Variants in TACR1 observed in about 807,000 individuals in gnomAD.
TACR1 encodes substance-P receptor.
In TACR1, 25 loss-of-function variants were observed where a neutral mutation model predicts 35.8. That is an observed-to-expected ratio of 0.70 (90% confidence interval 0.51 to 0.98). The LOEUF (loss-of-function observed/expected upper bound fraction) is 0.98, where lower values mean the gene tolerates loss of function less well. TACR1 is among the 50% of genes least tolerant of loss of function. The probability of loss-of-function intolerance (pLI) is 0.00; values close to 1 mark genes in which losing one functional copy is unlikely to be tolerated. For missense variants in TACR1, 478 were observed against 522.9 expected (o/e 0.91, Z 0.84); for synonymous variants, 195 against 206.7 (o/e 0.94, Z 0.48).
intron 1 of TACR1, among the ~76,000 whole-genome samples, chr2:75,178,956 A>T (rs115251391): frequency 3.0e-4 from 45 of 152,292 alleles, no homozygotes; most frequent in African/African-American, 1.1e-3. Context: ...GATTGTATAC[A>T]GTCCTATGGT....
chr2:75,180,796 T>C (rs1205503692), intron 1 of TACR1, among the ~76,000 whole-genome samples: 1 of 152,188 alleles, frequency 6.6e-6, no homozygotes, highest in African/African-American at 2.4e-5. Context: ...AACTAAATAA[T>C]AGTTCATTGT....
chr2:75,055,686 T>A (rs919678486), intron 2 of TACR1, among the ~76,000 whole-genome samples: 1 of 152,136 alleles, frequency 6.6e-6, no homozygotes, highest in African/African-American at 2.4e-5. Context: ...CAAGATTGGG[T>A]CTGAGTGTGA....
intron 1 of TACR1, among the ~76,000 whole-genome samples, chr2:75,128,998 G>A (rs1486467415): frequency 6.6e-6 from 1 of 152,176 alleles, no homozygotes; most frequent in Non-Finnish European, 1.5e-5. Flanking sequence ...TAGGAGGTGT[G>A]TGCTGACACA....
At chr2:75,144,430 A>G (rs1307802719) in intron 1 of TACR1, among the ~76,000 whole-genome samples, 2 of 152,210 alleles carry the variant, frequency 1.3e-5, no homozygotes, top group Non-Finnish European at 2.9e-5. Context: ...TTTCTTGGAT[A>G]TAAGATTTGA....
chr2:75,048,831 C>T lies in TACR1; in HGVS notation c.*601G>A, dbSNP rs978648155. On this transcript the variant is annotated 3_prime_UTR_variant, in exon 5 of 5. Transcript: ENST00000305249. The stretch of plus-strand genomic sequence containing the variant: ...TCACCGGGGACATAATGTGGAAGCC[C>T]GAGGTTCTCAATCTCATGATGTATA... 2 of 152,224 alleles carry T rather than the reference C, an allele frequency of 1.3e-5. No individual in the cohort carries two copies. Among genetic ancestry groups the T allele is most frequent in the East Asian group, 1.9e-4 (1 of 5,194 alleles). The allele number at this position is 152,224 out of a possible 1,614,324, so 9.4% of individuals were successfully genotyped here. A position where few individuals can be genotyped will look rare whatever the true frequency, so the allele number is the denominator to read the frequency against.
At chr2:75,088,702 A>G (rs985351276) in intron 2 of TACR1, among the ~76,000 whole-genome samples, 1 of 152,070 alleles carries the variant, frequency 6.6e-6, no homozygotes, top group Admixed American at 6.5e-5. Flanking sequence ...GCTTTAGACC[A>G]CAATCACCAT....
intron 1 of TACR1, among the ~76,000 whole-genome samples, chr2:75,170,310 G>T (rs1038246173): frequency 6.6e-6 from 1 of 152,212 alleles, no homozygotes; most frequent in Non-Finnish European, 1.5e-5. Context: ...CTGTTGCCAT[G>T]TAAGACATGA....
intron 1 of TACR1, among the ~76,000 whole-genome samples, chr2:75,125,897 C>A (rs1674061742): frequency 6.6e-6 from 1 of 152,170 alleles, no homozygotes; most frequent in African/African-American, 2.4e-5. Context: ...ACGTTGGGAA[C>A]TGTGCAGGAT....
At chr2:75,181,019 G>A (rs1558583928) in intron 1 of TACR1, among the ~76,000 whole-genome samples, 1 of 152,154 alleles carries the variant, frequency 6.6e-6, no homozygotes, top group South Asian at 2.1e-4. Flanking sequence ...ACTGGGAGAA[G>A]CTTTAACTTC....
At chr2:75,169,327 GT>G (rs1254643431) in intron 1 of TACR1, among the ~76,000 whole-genome samples, 22 of 151,952 alleles carry the variant, frequency 1.4e-4, no homozygotes, top group Non-Finnish European at 2.9e-5. Context: ...CTTTGTATTG[GT>G]TTAGTTTTTA....
At chr2:75,133,076 C>T (rs1464243466) in intron 1 of TACR1, among the ~76,000 whole-genome samples, 2 of 152,200 alleles carry the variant, frequency 1.3e-5, no homozygotes. Flanking sequence ...GGCTTTGTTT[C>T]TTGTCCCCAT....
intron 2 of TACR1, among the ~76,000 whole-genome samples, chr2:75,073,663 G>T (rs1029263747): frequency 1.3e-5 from 2 of 152,194 alleles, no homozygotes; most frequent in Non-Finnish European, 2.9e-5. Flanking sequence ...AGTGGGTCTG[G>T]GGGGAGGTGG....
intron 1 of TACR1, among the ~76,000 whole-genome samples, chr2:75,158,264 G>A (rs1395047728): frequency 1.3e-5 from 2 of 152,206 alleles, no homozygotes; most frequent in Non-Finnish European, 2.9e-5. Context: ...TATGTAATCA[G>A]TAGAATTTTA....
chr2:75,110,504 C>T (rs543830878), intron 2 of TACR1, among the ~76,000 whole-genome samples: 1 of 151,892 alleles, frequency 6.6e-6, no homozygotes, highest in East Asian at 1.9e-4. Flanking sequence ...GCATAATTTT[C>T]CAGACTTTTT....
rs116140465 is a variant in TACR1 at position 75,192,592 on chromosome 2, G to C, written c.389+5954C>G. Among the ~76,000 whole-genome samples, 590 of 152,222 alleles carry C rather than the reference G, an allele frequency of 3.9e-3. 9 individuals are homozygous for C. Among genetic ancestry groups the C allele is most frequent in the African/African-American group, 0.013 (534 of 41,534 alleles). On this transcript the variant is annotated intron_variant, in intron 1 of 4. Coordinates refer to ENST00000305249, the MANE Select transcript of TACR1 (RefSeq NM_001058.4). ...TCTTGTGTGATAGGACTCTTACATT[G>C]CTTTTCTGCCTCCAATGACAGTTTT...
intron 2 of TACR1, among the ~76,000 whole-genome samples, chr2:75,103,394 G>C (rs1475851763): frequency 1.3e-5 from 2 of 152,082 alleles, no homozygotes; most frequent in East Asian, 1.9e-4. Context: ...TGTAAGTATG[G>C]AATATGTCAT....
chr2:75,186,371 C>CAAAAAAAAAAAAAAAAAAAAAAAAAAA (rs373147504), intron 1 of TACR1, among the ~76,000 whole-genome samples: 1 of 81,830 alleles, frequency 1.2e-5, no homozygotes. Flanking sequence ...GACTCTGTCT[C>CAAAAAAAAAAAAAAAAAAAAAAAAAAA]AAAAAAAAAA....
chr2:75,054,470 T>G (rs11680315), intron 2 of TACR1, among the ~76,000 whole-genome samples: 1 of 152,006 alleles, frequency 6.6e-6, no homozygotes, highest in Non-Finnish European at 1.5e-5. Context: ...GTCCCTGAAT[T>G]ACCCATTGGA....
chr2:75,053,740 C>A lies in TACR1; in HGVS notation c.600G>T (p.Val200=), dbSNP rs1558537267. The change falls in exon 3 of 5, where the codon GTG becomes GTT. Residue 200 remains valine, a synonymous_variant. Coordinates refer to ENST00000305249, the MANE Select transcript of TACR1 (RefSeq NM_001058.4). ...KIYEKVYHIC[V]TVLIYFLPLL... ...GGGGGAGGAAGTAGATCAGCACAGT[C>A]ACACAGATGTGGTACCTACAGCAAG... 6.2e-7 allele frequency: 1 copy of A among 1,614,178 alleles called. No individual in the cohort carries two copies. The highest frequency in any genetic ancestry group is 1.6e-4 in the Middle Eastern group (1 of 6,062).
Sources: allele counts gnomAD v4.1 joint callset (sites outside exome capture counted in the v4.1 genomes callset), GRCh38; gene constraint gnomAD v4.1.1; transcripts MANE v1.5; gene names NCBI Gene and HGNC (gene_info 2026-07-23, HGNC 2026-07-21).